Variants in OTOA observed in about 807,000 individuals in gnomAD.
OTOA encodes the protein cancer/testis antigen 108.
OTOA carries 70 observed loss-of-function variants against 110.8 expected under a neutral mutation model. The observed-to-expected ratio is 0.63, with a 90% CI of 0.52 to 0.77. The LOEUF is 0.77. OTOA is among the 30% of genes least tolerant of loss of function. The pLI, the probability that OTOA is intolerant of heterozygous loss-of-function variation, is 0.00. For synonymous variants in OTOA, 373 were observed against 431.5 expected, an observed-to-expected ratio of 0.86 and a Z score of 1.68; for missense variants, 917 against 1,075.8, an observed-to-expected ratio of 0.85 and a Z score of 2.06.
In OTOA at chr16:21,664,000, T is replaced by C. The variant is rs2141640413; in HGVS notation, c.-237T>C. Reference sequence around the variant, plus strand: ...CGAAGAGTGGCTGGGGAGCAGGCATTTGTGCGTCTTGCAAGCTTCGACAGA... The same window carrying C: ...CGAAGAGTGGCTGGGGAGCAGGCATCTGTGCGTCTTGCAAGCTTCGACAGA... On this transcript the variant is annotated 5_prime_UTR_variant, in exon 1 of 29. Transcript: ENST00000646100. 1 of 152,268 alleles carries C rather than the reference T, an allele frequency of 6.6e-6. No homozygotes were observed. The highest frequency in any genetic ancestry group is 1.9e-4 in the East Asian group (1 of 5,174). The allele number at this position is 152,268 out of a possible 1,614,324, so 9.4% of individuals were successfully genotyped here.
At chr16:21,673,411 A>G (rs1966851955) in intron 1 of OTOA, among the ~76,000 whole-genome samples, 2 of 152,180 alleles carry the variant, frequency 1.3e-5, no homozygotes, top group African/African-American at 4.8e-5. Flanking sequence ...TACCCTAATC[A>G]GGACCCAGAA....
At chr16:21,732,686 G>GA (rs1899155328) in intron 21 of OTOA, among the ~76,000 whole-genome samples, 1 of 151,846 alleles carries the variant, frequency 6.6e-6, no homozygotes, top group Admixed American at 6.6e-5. Context: ...AAAAAACCCA[G>GA]ATTGCAAAAG....
At chr16:21,707,558 C>T (rs533114851) in intron 12 of OTOA, among the ~76,000 whole-genome samples, 8 of 150,246 alleles carry the variant, frequency 5.3e-5, no homozygotes, top group African/African-American at 2.0e-4. Flanking sequence ...CCCTTCCTCC[C>T]TCCCTCCCTC....
At position 21,710,011 on chromosome 16, in the gene OTOA, G is replaced by A. The variant is rs773915915; in HGVS notation, c.1228G>A (p.Val410Met). 1.2e-6 allele frequency: 2 copies of A among 1,614,070 alleles called. No individual in the cohort carries two copies. The highest frequency in any genetic ancestry group is 8.5e-7 in the Non-Finnish European group (1 of 1,179,988). Residue 410 changes from valine to methionine, a missense_variant, in exon 13 of 29, where the codon GTG becomes ATG. Physicochemically the swap from Val to Met is conservative, Grantham distance 21. Coordinates refer to ENST00000646100, the MANE Select transcript of OTOA (RefSeq NM_144672.4). ...SQLESLSPEA[V>M]HGAISTLNQV... is the part of the protein sequence containing the mutation. ...ACTGGAATCCCTCTCCCCCGAGGCT[G>A]TGCACGGAGCCATCTCCACCCTCAA...
At chr16:21,720,917 T>C (rs182950280) in intron 17 of OTOA, among the ~76,000 whole-genome samples, 2 of 149,276 alleles carry the variant, frequency 1.3e-5, no homozygotes, top group Admixed American at 6.7e-5. Context: ...TTATTATTAT[T>C]ATTATCATTA....
At chr16:21,714,825 TAGAA>T (rs1225264718) in intron 13 of OTOA, among the ~76,000 whole-genome samples, 156 bp from the exon 14 acceptor site, 3 of 152,136 alleles carry the variant, frequency 2.0e-5, no homozygotes, top group Non-Finnish European at 4.4e-5. Context: ...TCTTTCTTGA[TAGAA>T]GGAAGGAAGG....
chr16:21,713,417 G>A (rs902476548), intron 13 of OTOA, among the ~76,000 whole-genome samples: 9 of 152,200 alleles, frequency 5.9e-5, no homozygotes, highest in Non-Finnish European at 1.2e-4. Flanking sequence ...GGCAGCTGCA[G>A]CTCCGAGGGC....
rs747200768 is a variant in OTOA, at chr16:21,687,664, G to A, written c.635+16G>A. The A allele has an allele frequency of 2.7e-5, 40 of 1,484,654 alleles. No homozygotes were observed. Among genetic ancestry groups the A allele is most frequent in the East Asian group, 1.7e-4 (7 of 41,830 alleles). The allele number at this position is 1,484,654 out of a possible 1,614,324, so 92.0% of individuals were successfully genotyped here. A position where few individuals can be genotyped will look rare whatever the true frequency, so the allele number is the denominator to read the frequency against. Reference sequence around the variant, plus strand: ...TTAAGAACCTGTGAGTGGTTCCTCCGAACTTTTTTTTTTTTTTTTTTGAGA... The same window carrying A: ...TTAAGAACCTGTGAGTGGTTCCTCCAAACTTTTTTTTTTTTTTTTTTGAGA... On this transcript the variant is annotated intron_variant, in intron 8 of 28. Coordinates refer to ENST00000646100, the MANE Select transcript of OTOA (RefSeq NM_144672.4).
At position 21,681,822 on chromosome 16, in the gene OTOA, G is replaced by A. The variant is rs1297405941; in HGVS notation, c.264G>A (p.Leu88=). The A allele has an allele frequency of 6.2e-7, 1 of 1,613,268 alleles. No individual in the cohort carries two copies. The highest frequency in any genetic ancestry group is 8.5e-7 in the Non-Finnish European group (1 of 1,179,230). The change falls in exon 6 of 29, where the codon CTG becomes CTA. Residue 88 remains leucine (L), a synonymous_variant. Coordinates refer to ENST00000646100, the MANE Select transcript of OTOA (RefSeq NM_144672.4). ...ATGTTGCCTTCACCATCCCCAGCCT[G>A]CAGGTGTGTACCTGAGACCCATCTA... The part of the protein sequence containing the change: ...SRNVAFTIPS[L]QAAVENHLEQ...
chr16:21,732,056 C>A (rs1899132851), intron 21 of OTOA, among the ~76,000 whole-genome samples: 1 of 152,004 alleles, frequency 6.6e-6, no homozygotes, highest in Non-Finnish European at 1.5e-5. Context: ...ACCTCTGCTT[C>A]CTGGGTTCAA....
intron 16 of OTOA, 74 bp downstream of exon 16, chr16:21,719,265 A>G (rs1489507053): frequency 1.3e-6 from 2 of 1,587,820 alleles, no homozygotes; most frequent in Non-Finnish European, 8.6e-7. Context: ...CTACTTTTCC[A>G]GGTGGGAGAG....
intron 15 of OTOA, among the ~76,000 whole-genome samples, chr16:21,718,148 G>A (rs559707221): frequency 5.3e-5 from 8 of 152,210 alleles, no homozygotes; most frequent in African/African-American, 1.9e-4. Flanking sequence ...TATAGAGACA[G>A]GGTTTCACCA....
At chr16:21,722,869 A>G in intron 17 of OTOA, 36 bp from the exon 18 acceptor site, 1 of 1,576,124 alleles carries the variant, frequency 6.3e-7, no homozygotes, top group Non-Finnish European at 8.7e-7. Context: ...TCTTCTTCTT[A>G]CTGCATTAAA....
chr16:21,712,403 G>A (rs1898385064), intron 13 of OTOA, among the ~76,000 whole-genome samples: 1 of 151,952 alleles, frequency 6.6e-6, no homozygotes, highest in Non-Finnish European at 1.5e-5. Flanking sequence ...TAAAGGTCAT[G>A]TTTACTAACC....
intron 19 of OTOA, 80 bp downstream of exon 19, chr16:21,726,738 G>A: frequency 6.3e-7 from 1 of 1,580,666 alleles, no homozygotes; most frequent in Non-Finnish European, 8.7e-7. Flanking sequence ...GATCTGGCTA[G>A]GATCTTGAGC....
intron 17 of OTOA, among the ~76,000 whole-genome samples, chr16:21,720,558 C>T (rs1381138244): frequency 4.6e-5 from 7 of 152,204 alleles, no homozygotes; most frequent in African/African-American, 1.7e-4. Flanking sequence ...CAAAGTTGAG[C>T]TTGCATCAGC....
rs462217 is a variant in OTOA, at chr16:21,759,354, A to C, written c.3350-1116A>C. 3.4e-3 allele frequency among the ~76,000 whole-genome samples: 509 copies of C among 151,754 alleles called. 2 individuals carry two copies. The highest frequency in any genetic ancestry group is 0.02 in the East Asian group (102 of 5,000). On this transcript the variant is annotated intron_variant, in intron 28 of 28. Transcript: ENST00000646100. ...CTGCACCTTGTATTTTTCACCTAAC[A>C]ATATACTTTGGAGGGAGTTCTGTAT...
chr16:21,719,624 T>A lies in OTOA; in HGVS notation c.1806+120T>A, dbSNP rs1898668008. On this transcript the variant is annotated intron_variant, in intron 17 of 28. Transcript: ENST00000646100. Reference sequence around the variant, plus strand: ...AATCATTCAGACGCAAGTGATGACTTAGGGCCAAAGATTGAGCCAGGTTTT... The same window carrying A: ...AATCATTCAGACGCAAGTGATGACTAAGGGCCAAAGATTGAGCCAGGTTTT... 6 of 997,436 alleles carry A rather than the reference T, an allele frequency of 6.0e-6. No individual in the cohort carries two copies. The East Asian group carries it at 1.4e-4, about 24-fold the overall frequency. The allele number at this position is 997,436 out of a possible 1,614,324, so 61.8% of individuals were successfully genotyped here.
intron 24 of OTOA, among the ~76,000 whole-genome samples, chr16:21,749,575 A>G (rs1250156125): frequency 2.9e-4 from 43 of 147,602 alleles, no homozygotes; most frequent in Non-Finnish European, 5.3e-4. Context: ...AAGATTGACT[A>G]TAGCCTGTGA....
Sources: gnomAD v4.1 joint callset for allele counts (sites outside exome capture counted in the v4.1 genomes callset) on GRCh38, gnomAD v4.1.1 for gene constraint, MANE v1.5 for transcripts, NCBI Gene and HGNC (gene_info 2026-07-23, HGNC 2026-07-21) for gene names.